The following OR3A2 variants were observed in gnomAD, a reference collection of about 807,000 sequenced individuals.
OR3A2 encodes olfactory receptor family 3 subfamily A member 2, also known as olfactory receptor 3A2.
For missense variants in OR3A2, 318 were observed against 392.8 expected (o/e 0.81, Z 1.61); for synonymous variants, 126 against 159.3 (o/e 0.79, Z 1.57).
At chr17:3,277,968 T>C in exon 2 of OR3A2, 1 of 1,592,534 alleles carries the variant, frequency 6.3e-7, no homozygotes, top group Non-Finnish European at 8.6e-7. Flanking sequence ...CCCCATTACC[T>C]CTCAGGTCAG....
chr17:3,301,389 T>G (rs1340219362), intron 3 of OR3A2, among the ~76,000 whole-genome samples: 1 of 151,848 alleles, frequency 6.6e-6, no homozygotes, highest in Non-Finnish European at 1.5e-5. Flanking sequence ...CCATTCTAAC[T>G]GGTGTGAGAT....
chr17:3,286,869 T>A (rs1044340786), upstream of OR3A2, among the ~76,000 whole-genome samples: 1 of 152,252 alleles, frequency 6.6e-6, no homozygotes, highest in Non-Finnish European at 1.5e-5. Context: ...TTCCGTAGGT[T>A]GCCTGTTCAC....
chr17:3,383,550 T>G (rs1597367726), intron 2 of OR3A2, among the ~76,000 whole-genome samples: 1 of 152,160 alleles, frequency 6.6e-6, no homozygotes, highest in East Asian at 1.9e-4. Context: ...AAGCTAGTGC[T>G]CTTCTCACTG....
intron 2 of OR3A2, among the ~76,000 whole-genome samples, chr17:3,362,316 T>C (rs567084740): frequency 4.0e-5 from 6 of 150,214 alleles, no homozygotes; most frequent in Non-Finnish European, 7.3e-5. Flanking sequence ...TTTTCTTCTT[T>C]ATTAGTCTTG....
At chr17:3,369,707 C>A (rs1005133573) in intron 2 of OR3A2, among the ~76,000 whole-genome samples, 1 of 151,604 alleles carries the variant, frequency 6.6e-6, no homozygotes, top group Non-Finnish European at 1.5e-5. Flanking sequence ...TTTGTTATGT[C>A]CTTTCCTGAT....
chr17:3,334,562 C>G (rs955528239), intron 3 of OR3A2, among the ~76,000 whole-genome samples: 3 of 152,142 alleles, frequency 2.0e-5, no homozygotes, highest in African/African-American at 7.2e-5. Context: ...TCCGTCATTA[C>G]TCTCTTTCCT....
intron 2 of OR3A2, among the ~76,000 whole-genome samples, chr17:3,353,737 T>C (rs888288331): frequency 1.3e-5 from 2 of 151,824 alleles, no homozygotes; most frequent in Non-Finnish European, 2.9e-5. Context: ...GTTGTTTTGA[T>C]ACAGGCGTGC....
chr17:3,367,347 T>C (rs2049572787), intron 2 of OR3A2, among the ~76,000 whole-genome samples: 1 of 152,030 alleles, frequency 6.6e-6, no homozygotes, highest in Non-Finnish European at 1.5e-5. Context: ...GTGTAATCTT[T>C]TATCCCTCAT....
At chr17:3,291,529 C>G in intron 3 of OR3A2, 1 of 808,998 alleles carries the variant, frequency 1.2e-6, no homozygotes, top group Non-Finnish European at 1.9e-6. Context: ...CCTTCTTATG[C>G]CCATGAAACA....
upstream of OR3A2, among the ~76,000 whole-genome samples, chr17:3,287,075 T>C (rs138929947): frequency 2.0e-5 from 3 of 152,360 alleles, no homozygotes; most frequent in African/African-American, 4.8e-5. Context: ...TTAATCCATC[T>C]TGTGGTAGGT....
intron 3 of OR3A2, among the ~76,000 whole-genome samples, chr17:3,322,300 T>G (rs1226696435): frequency 6.6e-6 from 1 of 152,188 alleles, no homozygotes; most frequent in Non-Finnish European, 1.5e-5. Flanking sequence ...TCTATCAATT[T>G]TGTTGATCTT....
chr17:3,344,473 A>T (rs916635230), intron 2 of OR3A2, among the ~76,000 whole-genome samples: 1 of 151,998 alleles, frequency 6.6e-6, no homozygotes, highest in Admixed American at 6.6e-5. Context: ...GCTAGACAAT[A>T]TCATCTAGAC....
At chr17:3,384,891 C>CA (rs34135446) in intron 1 of OR3A2, among the ~76,000 whole-genome samples, 55 of 146,600 alleles carry the variant, frequency 3.8e-4, no homozygotes, top group Middle Eastern at 3.5e-3. Flanking sequence ...GATTCTTTAC[C>CA]AAAAAAAAAA....
intron 3 of OR3A2, among the ~76,000 whole-genome samples, chr17:3,296,612 AATTAC>A (rs2048920091): frequency 6.6e-6 from 1 of 152,198 alleles, no homozygotes; most frequent in Non-Finnish European, 1.5e-5. Flanking sequence ...AAATAATCAC[AATTAC>A]ATTAAAAGAT....
At chr17:3,359,888 CATGT>C (rs1388573177) in intron 2 of OR3A2, among the ~76,000 whole-genome samples, 1 of 151,756 alleles carries the variant, frequency 6.6e-6, no homozygotes, top group Admixed American at 6.5e-5. Flanking sequence ...CATATGTGTG[CATGT>C]GTCTTTATAG....
intron 2 of OR3A2, among the ~76,000 whole-genome samples, chr17:3,368,963 C>T (rs2049587135): frequency 1.3e-5 from 2 of 152,046 alleles, no homozygotes; most frequent in South Asian, 4.1e-4. Flanking sequence ...CCTTGGTTAG[C>T]TATATTTCTA....
At chr17:3,341,709 T>C (rs2049320507) in intron 2 of OR3A2, among the ~76,000 whole-genome samples, 2 of 152,180 alleles carry the variant, frequency 1.3e-5, no homozygotes, top group South Asian at 2.1e-4. Context: ...TTTTCTTTCA[T>C]TTCAACCTTG....
At chr17:3,382,922 G>A (rs558552226) in intron 2 of OR3A2, among the ~76,000 whole-genome samples, 29 of 152,250 alleles carry the variant, frequency 1.9e-4, no homozygotes, top group Non-Finnish European at 1.3e-4. Context: ...TCAGAGCCCC[G>A]GAACCCAGCA....
At chr17:3,326,245 G>T (rs996302248) in intron 3 of OR3A2, among the ~76,000 whole-genome samples, 1 of 152,048 alleles carries the variant, frequency 6.6e-6, no homozygotes, top group Non-Finnish European at 1.5e-5. Context: ...GTGCTGCAAT[G>T]AACATATGTG....
Sources: gnomAD v4.1 joint callset for allele counts (sites outside exome capture counted in the v4.1 genomes callset) on GRCh38, gnomAD v4.1.1 for gene constraint, MANE v1.5 for transcripts, NCBI Gene and HGNC (gene_info 2026-07-23, HGNC 2026-07-21) for gene names.